Variants in QTGAL observed in about 807,000 individuals in gnomAD.
The protein encoded by QTGAL is BGnT-like protein 1.
chr17:82,964,835 G>A, the QTGAL span, among the ~76,000 whole-genome samples: 1 of 104,714 alleles, frequency 9.5e-6, no homozygotes, highest in Non-Finnish European at 1.9e-5. Context: ...GCACCCCACG[G>A]GGAGGACGGG....
At chr17:83,000,019 G>C in the QTGAL span, among the ~76,000 whole-genome samples, 1 of 152,196 alleles carries the variant, frequency 6.6e-6, no homozygotes, top group African/African-American at 2.4e-5. Context: ...CTAGAGTGCA[G>C]TGGCGCGATC....
At chr17:82,970,489 G>A in the QTGAL span, among the ~76,000 whole-genome samples, 8 of 152,098 alleles carry the variant, frequency 5.3e-5, no homozygotes, top group African/African-American at 2.4e-5. Context: ...CGGTGGTGAG[G>A]ACGACCTGAG....
the QTGAL span, among the ~76,000 whole-genome samples, chr17:83,040,313 TAA>T: frequency 1.3e-5 from 2 of 152,144 alleles, no homozygotes; most frequent in African/African-American, 2.4e-5. Flanking sequence ...GTCCACCAAC[TAA>T]AAACGTATCA....
the QTGAL span, among the ~76,000 whole-genome samples, chr17:83,035,398 A>T: frequency 3.3e-5 from 5 of 152,038 alleles, no homozygotes; most frequent in African/African-American, 4.8e-5. Context: ...CGAACTCCCA[A>T]CCTCAGGTGA....
chr17:83,000,369 G>C, the QTGAL span, among the ~76,000 whole-genome samples: 6 of 152,184 alleles, frequency 3.9e-5, no homozygotes, highest in African/African-American at 1.2e-4. Flanking sequence ...ACCTGAGCTC[G>C]CGGCTGTGCC....
chr17:83,018,794 T>C, the QTGAL span, among the ~76,000 whole-genome samples: 3 of 152,182 alleles, frequency 2.0e-5, no homozygotes, highest in African/African-American at 7.2e-5. Context: ...GGAGGTCCAG[T>C]TACGGCACCC....
chr17:83,035,334 C>T, the QTGAL span, among the ~76,000 whole-genome samples: 1 of 152,080 alleles, frequency 6.6e-6, no homozygotes, highest in South Asian at 2.1e-4. Flanking sequence ...CACCTGCCAC[C>T]ACGCCTGGCG....
chr17:83,005,023 G>A, the QTGAL span: 5 of 1,066,084 alleles, frequency 4.7e-6, no homozygotes, highest in East Asian at 2.5e-5. This position sits in a 1 kb window ranked among gnomAD's most constrained non-coding sequence, Gnocchi z 5.6. Context: ...GGCCCACGAC[G>A]ACGCAGACAC....
chr17:82,952,017 T>C, the QTGAL span, among the ~76,000 whole-genome samples: 36,915 of 152,070 alleles, frequency 0.24, 4,764 homozygotes, highest in East Asian at 0.44. Context: ...AGAGGGGCAC[T>C]GATGGGGTTG....
chr17:82,997,947 A>ATATC, the QTGAL span, among the ~76,000 whole-genome samples: 4 of 147,356 alleles, frequency 2.7e-5, no homozygotes, highest in African/African-American at 4.9e-5. Context: ...ATATATATAT[A>ATATC]TCTATATCTA....
the QTGAL span, among the ~76,000 whole-genome samples, chr17:83,032,798 A>G: frequency 6.6e-6 from 1 of 152,256 alleles, no homozygotes; most frequent in Non-Finnish European, 1.5e-5. Context: ...CCCAGGCACC[A>G]GGACAGGAGT....
At chr17:82,965,547 C>T in the QTGAL span, 1 of 1,181,754 alleles carries the variant, frequency 8.5e-7, no homozygotes, top group Non-Finnish European at 1.2e-6. Context: ...CTGCAGAGCC[C>T]CGGAGGCATG....
the QTGAL span, among the ~76,000 whole-genome samples, chr17:83,042,157 A>G: frequency 2.0e-5 from 3 of 152,214 alleles, no homozygotes; most frequent in Non-Finnish European, 4.4e-5. Context: ...ACTTGAGTCC[A>G]GGAATTCGAG....
chr17:83,042,152 A>AG, the QTGAL span, among the ~76,000 whole-genome samples: 1 of 152,212 alleles, frequency 6.6e-6, no homozygotes. Flanking sequence ...GGATCACTTG[A>AG]GTCCAGGAAT....
At chr17:82,965,560 A>G in the QTGAL span, 1 of 1,303,280 alleles carries the variant, frequency 7.7e-7, no homozygotes. Context: ...GAGGCATGGC[A>G]AGGCGGAGGG....
At chr17:82,956,753 C>A in the QTGAL span, 1 of 1,584,674 alleles carries the variant, frequency 6.3e-7, no homozygotes, top group Non-Finnish European at 8.6e-7. This position sits in a 1 kb window ranked among gnomAD's most constrained non-coding sequence, Gnocchi z 5.7. Flanking sequence ...GATGGGGATT[C>A]GGGGCTTGGG....
chr17:83,007,245 G>A, the QTGAL span: 2 of 985,392 alleles, frequency 2.0e-6, no homozygotes, highest in Non-Finnish European at 2.4e-6. Context: ...GCTAAAAATA[G>A]TTGTGAATTA....
chr17:83,040,179 A>G, the QTGAL span, among the ~76,000 whole-genome samples: 1 of 152,182 alleles, frequency 6.6e-6, no homozygotes. Flanking sequence ...GACCAATTAC[A>G]TGAGAATATC....
chr17:83,046,553 C>T, the QTGAL span, among the ~76,000 whole-genome samples: 1 of 152,194 alleles, frequency 6.6e-6, no homozygotes, highest in African/African-American at 2.4e-5. Context: ...ACTAGCATGG[C>T]TATAATTTAA....
Sources: gnomAD v4.1 joint callset for allele counts (sites outside exome capture counted in the v4.1 genomes callset) on GRCh38, gnomAD v4.1.1 for gene constraint, Gnocchi (gnomAD v3.1) non-coding constraint, MANE v1.5 for transcripts, NCBI Gene and HGNC (gene_info 2026-07-23, HGNC 2026-07-21) for gene names.